DDX31: variants seen among roughly 807,000 people sequenced by gnomAD.
DDX31 encodes ATP-dependent DNA helicase DDX31.
Under a neutral mutation model 91.3 loss-of-function variants are expected in DDX31, and 70 were observed. That is an observed-to-expected ratio of 0.77 (90% CI 0.63 to 0.94). DDX31 has a LOEUF of 0.94. DDX31 is among the 40% of genes least tolerant of loss of function. DDX31 has a pLI of 0.00. For synonymous variants in DDX31, 362 were observed against 350.6 expected (o/e 1.03, Z -0.36); for missense variants, 902 against 925.0 (o/e 0.98, Z 0.32).
chr9:132,613,618 T>C (rs1329334276), intron 18 of DDX31, among the ~76,000 whole-genome samples: 1 of 152,180 alleles, frequency 6.6e-6, no homozygotes, highest in African/African-American at 2.4e-5. Flanking sequence ...CACTTGAACC[T>C]GGAAGGCTGA....
chr9:132,611,217 C>T (rs888838628), intron 19 of DDX31, among the ~76,000 whole-genome samples: 2 of 152,190 alleles, frequency 1.3e-5, no homozygotes, highest in African/African-American at 4.8e-5. Flanking sequence ...TAACCATCCA[C>T]AACGTTCTGG....
intron 17 of DDX31, 72 bp from the exon 18 acceptor site, chr9:132,618,513 A>T: frequency 7.7e-7 from 1 of 1,296,086 alleles, no homozygotes; most frequent in Non-Finnish European, 1.1e-6. Flanking sequence ...TTTATAATAG[A>T]TTTAATAACA....
intron 18 of DDX31, among the ~76,000 whole-genome samples, chr9:132,617,774 T>C (rs150821327): frequency 8.0e-4 from 122 of 152,342 alleles, no homozygotes; most frequent in African/African-American, 2.8e-3. Context: ...ATCTAATGTA[T>C]GGTGATCCCA....
At chr9:132,651,248 CAG>C in intron 7 of DDX31, 132 bp from the exon 8 acceptor site, 1 of 732,922 alleles carries the variant, frequency 1.4e-6, no homozygotes, top group Non-Finnish European at 2.2e-6. Context: ...ATCCTATACA[CAG>C]AATCTAATAT....
At chr9:132,608,798 A>C (rs1343188379) in intron 19 of DDX31, among the ~76,000 whole-genome samples, 1 of 152,232 alleles carries the variant, frequency 6.6e-6, no homozygotes, top group East Asian at 1.9e-4. Flanking sequence ...TGACCACAGC[A>C]TAACTCAAGC....
chr9:132,634,585 G>T (rs371674129), intron 14 of DDX31, among the ~76,000 whole-genome samples: 165 of 103,092 alleles, frequency 1.6e-3, no homozygotes, highest in African/African-American at 3.7e-3. Flanking sequence ...TACCTAAGAT[G>T]TTTTTTTTTT....
chr9:132,648,328 C>A, intron 10 of DDX31, 33 bp from the exon 11 acceptor site: 2 of 1,602,554 alleles, frequency 1.2e-6, no homozygotes, highest in East Asian at 4.5e-5. Context: ...AAATTTTCAA[C>A]TATATGAAGA....
At chr9:132,596,867 A>G (rs550583514) in intron 19 of DDX31, among the ~76,000 whole-genome samples, 2 of 152,260 alleles carry the variant, frequency 1.3e-5, no homozygotes, top group East Asian at 3.9e-4. Context: ...GAGGGGAGAC[A>G]GCAGAGCTGC....
chr9:132,667,299 G>A (rs776833663), intron 1 of DDX31, among the ~76,000 whole-genome samples: 2 of 151,826 alleles, frequency 1.3e-5, no homozygotes, highest in Admixed American at 6.6e-5. Context: ...TCTCATTCAC[G>A]ACATCAATGA....
intron 17 of DDX31, among the ~76,000 whole-genome samples, chr9:132,619,688 C>T (rs1266118488): frequency 5.3e-5 from 8 of 152,190 alleles, no homozygotes; most frequent in Non-Finnish European, 1.0e-4. Flanking sequence ...CAAGGTCCCC[C>T]TAAGGGTTCT....
Position 132,593,236 on chromosome 9 carries a change from C to T in DDX31, c.*1630G>A, listed in dbSNP as rs977043404. On this transcript the variant is annotated 3_prime_UTR_variant, in exon 20 of 20. Transcript: ENST00000372159. Reference sequence around the variant, plus strand: ...CATGATTCTAGCACTTCTCTTTCCCCCCAGGGATGCCGAACTCTGCCAATT... The same window carrying T: ...CATGATTCTAGCACTTCTCTTTCCCTCCAGGGATGCCGAACTCTGCCAATT... The T allele has an allele frequency of 3.3e-5, 5 of 152,174 alleles. No individual in the cohort carries two copies. The highest frequency in any genetic ancestry group is 7.3e-5 in the Non-Finnish European group (5 of 68,036). 9.4% of individuals were successfully genotyped at this position (152,174 alleles called of 1,614,324 possible). A position where few individuals can be genotyped will look rare whatever the true frequency, so the allele number is the denominator to read the frequency against.
At chr9:132,643,327 GGTCACATTCACCT>G (rs1833615748) in intron 13 of DDX31, among the ~76,000 whole-genome samples, 1 of 152,144 alleles carries the variant, frequency 6.6e-6, no homozygotes. Context: ...CACTTGAGTT[GGTCACATTCACCT>G]GTCAGCAGCA....
At chr9:132,658,483 A>C (rs942792722) in intron 6 of DDX31, 188 bp downstream of exon 6, 16 of 672,514 alleles carry the variant, frequency 2.4e-5, no homozygotes, top group Non-Finnish European at 4.0e-5. Flanking sequence ...ACAATTGTGA[A>C]GTGTATTTAT....
chr9:132,653,416 C>T (rs1834338435), intron 6 of DDX31, among the ~76,000 whole-genome samples: 2 of 139,372 alleles, frequency 1.4e-5, no homozygotes, highest in Non-Finnish European at 3.0e-5. Context: ...ATCACTTGAA[C>T]CCAGGAGGTG....
At chr9:132,636,561 AAC>A (rs1031264506) in intron 14 of DDX31, among the ~76,000 whole-genome samples, 1 of 152,202 alleles carries the variant, frequency 6.6e-6, no homozygotes, top group Non-Finnish European at 1.5e-5. Context: ...TGTGAGTCCA[AAC>A]ACAGCGCAAC....
At chr9:132,653,218 G>A (rs1216413227) in intron 6 of DDX31, among the ~76,000 whole-genome samples, 1 of 151,712 alleles carries the variant, frequency 6.6e-6, no homozygotes, top group Non-Finnish European at 1.5e-5. Flanking sequence ...CAATAGCCAG[G>A]TGCAGTGGCT....
chr9:132,644,317 A>G (rs418620), intron 13 of DDX31, among the ~76,000 whole-genome samples: 120,465 of 152,174 alleles, frequency 0.79, 48,296 homozygotes, highest in African/African-American at 0.92. Context: ...TAATAAAGGC[A>G]CTTTAACATC....
At position 132,595,003 on chromosome 9, in the gene DDX31, C is replaced by T. The variant is rs751295139; in HGVS notation, c.2104G>A (p.Ala702Thr). Residue 702 changes from alanine (A) to threonine (T), a missense_variant, in exon 20 of 20, where the codon GCA becomes ACA. By Grantham distance (58) the Ala-to-Thr change is moderately conservative. Transcript: ENST00000372159. This position sits in a 1 kb window ranked among gnomAD's most constrained non-coding sequence, Gnocchi z 4.6. The stretch of plus-strand genomic sequence containing the variant: ...GGCCGGCCACCAGGCTCTCCAGGTG[C>T]GTTTTGCTTTTTGACCTTGGCGATG... ...ADIAKVKKQN[A>T]PGEPGGRPLQ... is the part of the protein sequence containing the mutation. 5 of 1,614,088 alleles carry T rather than the reference C, an allele frequency of 3.1e-6. No homozygotes were observed. Among genetic ancestry groups the T allele is most frequent in the Admixed American group, 1.7e-5 (1 of 60,006 alleles).
At chr9:132,651,554 G>A (rs1053642101) in intron 7 of DDX31, among the ~76,000 whole-genome samples, 16 of 152,324 alleles carry the variant, frequency 1.1e-4, no homozygotes, top group Middle Eastern at 3.4e-3. Flanking sequence ...CTCTCAAGGA[G>A]CGATGACTGT....
Sources: gnomAD v4.1 joint callset for allele counts (sites outside exome capture counted in the v4.1 genomes callset) on GRCh38, gnomAD v4.1.1 for gene constraint, Gnocchi (gnomAD v3.1) non-coding constraint, MANE v1.5 for transcripts, NCBI Gene and HGNC (gene_info 2026-07-23, HGNC 2026-07-21) for gene names.